Variants in ENTREP1 observed in about 807,000 individuals in gnomAD.
ENTREP1 encodes the protein Friedreich ataxia region gene X123.
chr9:69,346,408 A>T, the ENTREP1 span, among the ~76,000 whole-genome samples: 16 of 152,084 alleles, frequency 1.1e-4, no homozygotes, highest in African/African-American at 3.9e-4. Context: ...TTAAAAAGTT[A>T]TTTTTGTTAC....
chr9:69,375,790 A>G, the ENTREP1 span: 1 of 1,613,928 alleles, frequency 6.2e-7, no homozygotes, highest in Non-Finnish European at 8.5e-7. Context: ...TCAACCAGCC[A>G]AGTGCACAGA....
the ENTREP1 span, among the ~76,000 whole-genome samples, chr9:69,337,980 G>A: frequency 9.9e-5 from 15 of 152,156 alleles, no homozygotes; most frequent in African/African-American, 2.9e-4. Flanking sequence ...AGCATATTGC[G>A]GAATCTTTGT....
At chr9:69,362,857 C>T in the ENTREP1 span, among the ~76,000 whole-genome samples, 1 of 152,178 alleles carries the variant, frequency 6.6e-6, no homozygotes, top group South Asian at 2.1e-4. Flanking sequence ...GCTTCCTGCC[C>T]TTGGACATCG....
the ENTREP1 span, chr9:69,383,883 A>C: frequency 3.2e-6 from 5 of 1,570,300 alleles, no homozygotes; most frequent in Non-Finnish European, 4.4e-6. Context: ...TAAGGAGTTC[A>C]CTGGGTCTAA....
At chr9:69,376,026 C>T in the ENTREP1 span, among the ~76,000 whole-genome samples, 2 of 152,088 alleles carry the variant, frequency 1.3e-5, no homozygotes, top group African/African-American at 2.4e-5. Flanking sequence ...GCAGAAAGAA[C>T]CACAGATTAT....
chr9:69,377,788 G>T, the ENTREP1 span: 8 of 1,562,416 alleles, frequency 5.1e-6, no homozygotes, highest in Non-Finnish European at 7.0e-6. Context: ...GGATGCTGTG[G>T]GTTCTGAAGA....
chr9:69,345,312 T>A, the ENTREP1 span, among the ~76,000 whole-genome samples: 2 of 152,228 alleles, frequency 1.3e-5, no homozygotes, highest in African/African-American at 2.4e-5. Context: ...ACATTATGTG[T>A]TAGCAGGCAT....
chr9:69,378,258 A>G, the ENTREP1 span, among the ~76,000 whole-genome samples: 1 of 152,214 alleles, frequency 6.6e-6, no homozygotes, highest in African/African-American at 2.4e-5. Context: ...GGTCTCAACA[A>G]TCAAGAAATT....
chr9:69,383,029 G>A, the ENTREP1 span: 1 of 984,452 alleles, frequency 1.0e-6, no homozygotes, highest in Non-Finnish European at 1.2e-6. Flanking sequence ...CAACGTTGGT[G>A]AAAAATCTTG....
the ENTREP1 span, among the ~76,000 whole-genome samples, chr9:69,376,972 G>A: frequency 0.37 from 56,921 of 152,062 alleles, 11,111 homozygotes; most frequent in Admixed American, 0.43. Flanking sequence ...TGCTGTGCTG[G>A]TGGGAGGCTG....
the ENTREP1 span, chr9:69,371,405 C>G: frequency 1.1e-6 from 1 of 919,060 alleles, no homozygotes; most frequent in Non-Finnish European, 1.8e-6. Context: ...AAAATGTTCT[C>G]TTGGAAGGGA....
chr9:69,340,713 G>A, the ENTREP1 span, among the ~76,000 whole-genome samples: 2 of 144,308 alleles, frequency 1.4e-5, no homozygotes, highest in African/African-American at 5.1e-5. Context: ...GTGTATGTGT[G>A]TGTGCATGCA....
the ENTREP1 span, chr9:69,383,855 G>A: frequency 6.4e-4 from 1,009 of 1,575,558 alleles, 9 homozygotes; most frequent in African/African-American, 0.01. Context: ...CAGGGAGACC[G>A]GGCCCCACAC....
the ENTREP1 span, chr9:69,385,760 CCT>C: frequency 1.3e-5 from 19 of 1,418,064 alleles, no homozygotes; most frequent in Admixed American, 6.5e-5. Flanking sequence ...TTATGTTTCG[CCT>C]CTTTTTTTTT....
At chr9:69,383,818 G>T in the ENTREP1 span, 4 of 1,603,106 alleles carry the variant, frequency 2.5e-6, no homozygotes, top group Admixed American at 5.0e-5. Flanking sequence ...AGACAGCACC[G>T]CCCCACCCCC....
the ENTREP1 span, chr9:69,388,336 C>G: frequency 5.6e-6 from 9 of 1,614,192 alleles, no homozygotes; most frequent in Non-Finnish European, 7.6e-6. Context: ...TGGAGCAGTC[C>G]TCTTGTACCA....
the ENTREP1 span, among the ~76,000 whole-genome samples, chr9:69,389,164 G>A: frequency 1.3e-5 from 2 of 152,146 alleles, no homozygotes; most frequent in Non-Finnish European, 2.9e-5. Context: ...CCTTTTAGGT[G>A]TTGGCTTCAT....
At chr9:69,346,924 C>T in the ENTREP1 span, among the ~76,000 whole-genome samples, 1 of 152,292 alleles carries the variant, frequency 6.6e-6, no homozygotes, top group East Asian at 1.9e-4. Context: ...TCCACCTTCT[C>T]ATGGGGAAAA....
the ENTREP1 span, among the ~76,000 whole-genome samples, chr9:69,333,919 A>G: frequency 6.6e-6 from 1 of 152,228 alleles, no homozygotes; most frequent in Non-Finnish European, 1.5e-5. Flanking sequence ...ACATACATGC[A>G]CAAGCATACG....
Sources: allele counts gnomAD v4.1 joint callset (sites outside exome capture counted in the v4.1 genomes callset), GRCh38; gene constraint gnomAD v4.1.1; transcripts MANE v1.5; gene names NCBI Gene and HGNC (gene_info 2026-07-23, HGNC 2026-07-21).